CSTL1: variants seen among roughly 807,000 people sequenced by gnomAD.
CSTL1 encodes the protein cystatin like 1.
A neutral mutation model predicts 14.4 loss-of-function variants in CSTL1; 14 were observed. The observed-to-expected ratio is 0.97, with a 90% confidence interval of 0.64 to 1.52. The LOEUF is 1.52. Ranked by LOEUF, CSTL1 falls within the 40% of genes most tolerant of loss-of-function variation. The pLI, the probability that CSTL1 is intolerant of heterozygous loss-of-function variation, is 0.00. For synonymous variants in CSTL1, 72 were observed against 67.5 expected, an observed-to-expected ratio of 1.07 and a Z score of -0.33; for missense variants, 170 against 168.7, an observed-to-expected ratio of 1.01 and a Z score of -0.04.
chr20:23,452,923 C>A, the CSTL1 span: 1 of 751,924 alleles, frequency 1.3e-6, no homozygotes, highest in Non-Finnish European at 2.2e-6. Context: ...GTGGTGGACA[C>A]CCACAGCTCT....
chr20:23,458,235 C>T, the CSTL1 span, among the ~76,000 whole-genome samples: 1 of 152,212 alleles, frequency 6.6e-6, no homozygotes, highest in Non-Finnish European at 1.5e-5. Context: ...GTATAGAACA[C>T]TCAGACTGCA....
chr20:23,444,024 C>T lies in CSTL1; in HGVS notation c.310C>T (p.Gln104Ter). The T allele has an allele frequency of 6.2e-7, 1 of 1,613,894 alleles. No individual in the cohort carries two copies. The highest frequency in any genetic ancestry group is 8.5e-7 in the Non-Finnish European group (1 of 1,179,736). ...NDTSNSSCPL[Q>*]SKKLRKSLIC... is the part of the protein sequence containing the mutation. ...CACGAGCAATTCTTCCTGCCCCCTG[C>T]AAAGCAAGAAGCTGAGAAAGGTGTG... The change falls in exon 3 of 4, where the codon CAA becomes TAA. Residue 104 changes from glutamine to a stop codon, truncating the protein, a stop_gained. Transcript: ENST00000347397. LOFTEE classifies it low-confidence loss of function (END_TRUNC).
chr20:23,450,619 A>C, the CSTL1 span: 2 of 1,560,138 alleles, frequency 1.3e-6, no homozygotes, highest in African/African-American at 2.7e-5. Flanking sequence ...CAATATTTTA[A>C]AAGACGCCAG....
rs548993092 is a variant in CSTL1, at chr20:23,440,006, T to C, written c.-124-138T>C. 19 of 481,374 alleles carry C rather than the reference T, an allele frequency of 3.9e-5. 1 individual carries two copies. The highest frequency in any genetic ancestry group is 6.1e-5 in the Non-Finnish European group (16 of 263,176). 29.8% of individuals were successfully genotyped at this position (481,374 alleles called of 1,614,324 possible). On this transcript the variant is annotated intron_variant, in intron 1 of 3. Transcript: ENST00000347397. ...ACATGTGAAGGCAGGGAGAGGGGCTTGCACGCCTTAGCAGGTGTTTAAAAA... is the reference window on the plus strand; with the variant it reads ...ACATGTGAAGGCAGGGAGAGGGGCTCGCACGCCTTAGCAGGTGTTTAAAAA...
chr20:23,440,304 C>A lies in CSTL1; in HGVS notation c.37C>A (p.Leu13Met). Residue 13 changes from leucine to methionine, a missense_variant, in exon 2 of 4, where the codon CTG (leucine) becomes ATG (methionine). Physicochemically the swap from Leu to Met is conservative, Grantham distance 15. Coordinates refer to ENST00000347397, the MANE Select transcript of CSTL1 (RefSeq NM_138283.1). ...IGCWRNPLLL[L>M]IALVLSAKLG... ...ATGCTGGAGAAACCCCCTGCTGCTG[C>A]TGATTGCCCTGGTCCTGTCAGCCAA... 3 of 1,614,226 alleles carry A rather than the reference C, an allele frequency of 1.9e-6. No homozygotes were observed.
the CSTL1 span, among the ~76,000 whole-genome samples, chr20:23,460,631 G>A: frequency 3.3e-5 from 5 of 152,018 alleles, no homozygotes; most frequent in East Asian, 9.6e-4. Flanking sequence ...TGATTTTGGG[G>A]GTTCAAAATT....
At chr20:23,441,228 A>G (rs1268939092) in intron 2 of CSTL1, among the ~76,000 whole-genome samples, 1 of 152,216 alleles carries the variant, frequency 6.6e-6, no homozygotes, top group African/African-American at 2.4e-5. Flanking sequence ...GTAAAATTCA[A>G]AACTGGGTGT....
At chr20:23,439,919 T>A in intron 1 of CSTL1, 113 bp downstream of exon 1, 1 of 295,506 alleles carries the variant, frequency 3.4e-6, no homozygotes, top group South Asian at 4.6e-5. Context: ...CTTCTCTATC[T>A]ACAACCCCAG....
At chr20:23,451,378 T>C in the CSTL1 span, among the ~76,000 whole-genome samples, 1 of 152,150 alleles carries the variant, frequency 6.6e-6, no homozygotes, top group Non-Finnish European at 1.5e-5. Context: ...TCTGAACTTG[T>C]TTCCTCACCT....
At chr20:23,448,979 A>G (rs1166126730), downstream of CSTL1, among the ~76,000 whole-genome samples, 1 of 152,212 alleles carries the variant, frequency 6.6e-6, no homozygotes, top group East Asian at 1.9e-4. Flanking sequence ...CAGTTGGCGG[A>G]GGGAAACCCC....
At chr20:23,458,424 A>T in the CSTL1 span, 1 of 152,218 alleles carries the variant, frequency 6.6e-6, no homozygotes, top group Non-Finnish European at 1.5e-5. Context: ...TTCAGATTGC[A>T]ATCAATGAAT....
chr20:23,452,554 C>T, the CSTL1 span: 1 of 1,437,182 alleles, frequency 7.0e-7, no homozygotes, highest in Non-Finnish European at 9.8e-7. Context: ...CGTATCAGGC[C>T]TGGGGAGAGG....
chr20:23,449,139 C>T (rs1987022823), downstream of CSTL1, among the ~76,000 whole-genome samples: 1 of 152,204 alleles, frequency 6.6e-6, no homozygotes, highest in African/African-American at 2.4e-5. Flanking sequence ...ACAGTTCACA[C>T]ATGCAGGAGC....
chr20:23,444,930 A>G lies in CSTL1; in HGVS notation c.*52A>G. 2.4e-6 allele frequency: 3 copies of G among 1,236,862 alleles called. No individual in the cohort carries two copies. Among genetic ancestry groups the G allele is most frequent in the Non-Finnish European group, 2.4e-6 (2 of 837,322 alleles). 76.6% of individuals were successfully genotyped at this position (1,236,862 alleles called of 1,614,324 possible). The stretch of plus-strand genomic sequence containing the variant: ...GGCTGTTATTAAACTGTAAAGGATC[A>G]TGTCTCCCTCATTGGGGTCTTATTA... On this transcript the variant is annotated 3_prime_UTR_variant, in exon 4 of 4. Transcript: ENST00000347397.
chr20:23,452,893 G>C, the CSTL1 span: 1 of 1,137,600 alleles, frequency 8.8e-7, no homozygotes, highest in Non-Finnish European at 1.3e-6. Context: ...ACCTGCCCTG[G>C]CAGGATTTAA....
chr20:23,446,931 G>A (rs1043811545), downstream of CSTL1, among the ~76,000 whole-genome samples: 1 of 152,120 alleles, frequency 6.6e-6, no homozygotes. Context: ...AGAGTTAAAG[G>A]AGGTGGAATT....
chr20:23,443,142 C>A (rs1295739605), intron 2 of CSTL1, among the ~76,000 whole-genome samples: 2 of 152,118 alleles, frequency 1.3e-5, no homozygotes, highest in Non-Finnish European at 2.9e-5. Flanking sequence ...CTCCTCATTT[C>A]CTAGATGAGG....
At chr20:23,451,889 A>G in the CSTL1 span, 1 of 1,613,866 alleles carries the variant, frequency 6.2e-7, no homozygotes, top group Non-Finnish European at 8.5e-7. Context: ...CTGCATTTCC[A>G]CATTCAGGTG....
chr20:23,444,702 GA>G, intron 3 of CSTL1, 68 bp from the exon 4 acceptor site: 1 of 995,950 alleles, frequency 1.0e-6, no homozygotes. Flanking sequence ...GAGACCTGGG[GA>G]ACAGGTGCCT....
Sources: allele counts gnomAD v4.1 joint callset (sites outside exome capture counted in the v4.1 genomes callset), GRCh38; gene constraint gnomAD v4.1.1; transcripts MANE v1.5; gene names NCBI Gene and HGNC (gene_info 2026-07-23, HGNC 2026-07-21).